KIAA1217: variants seen among roughly 807,000 people sequenced by gnomAD.
KIAA1217 encodes the protein sickle tail protein homolog.
Under a neutral mutation model 163.9 loss-of-function variants are expected in KIAA1217, and 88 were observed. The ratio of observed to expected loss-of-function variants is 0.54; its 90% confidence interval spans 0.45 to 0.64. The LOEUF is 0.64. KIAA1217 is among the 30% of genes least tolerant of loss of function. The probability of loss-of-function intolerance (pLI) is 0.00; values close to 1 mark genes in which losing one functional copy is unlikely to be tolerated. For synonymous variants in KIAA1217, 903 were observed against 923.1 expected (o/e 0.98, Z 0.39); for missense variants, 2,372 against 2,475.0 (o/e 0.96, Z 0.88).
intron 1 of KIAA1217, among the ~76,000 whole-genome samples, chr10:23,960,208 C>T: frequency 6.6e-6 from 1 of 152,128 alleles, no homozygotes; most frequent in East Asian, 1.9e-4. Context: ...AGCCACCACG[C>T]CCGGCCAGAA....
intron 1 of KIAA1217, among the ~76,000 whole-genome samples, chr10:23,961,072 A>G (rs1003076356): frequency 2.0e-5 from 3 of 152,224 alleles, no homozygotes; most frequent in African/African-American, 7.2e-5. Context: ...AATTCCATAA[A>G]ACACTTTAAA....
chr10:24,069,410 T>G (rs1280703518), intron 2 of KIAA1217, among the ~76,000 whole-genome samples: 1 of 152,146 alleles, frequency 6.6e-6, no homozygotes, highest in Non-Finnish European at 1.5e-5. Context: ...CTTTGTTCTC[T>G]GTAGCCCCAG....
chr10:24,207,267 T>TTC (rs143092137), upstream of KIAA1217, among the ~76,000 whole-genome samples: 8,162 of 120,996 alleles, frequency 0.067, 289 homozygotes, highest in Non-Finnish European at 0.09. Context: ...GCTACAGTGT[T>TTC]TCTCTCTCTC....
At chr10:24,463,758 T>A (rs1442372536) in intron 5 of KIAA1217, among the ~76,000 whole-genome samples, 1 of 152,246 alleles carries the variant, frequency 6.6e-6, no homozygotes, top group Non-Finnish European at 1.5e-5. Flanking sequence ...GTTGAGGTAA[T>A]CCTGAATATT....
intron 2 of KIAA1217, among the ~76,000 whole-genome samples, chr10:24,017,274 G>C (rs1474051234): frequency 6.6e-6 from 1 of 151,950 alleles, no homozygotes; most frequent in Admixed American, 6.6e-5. Flanking sequence ...TGCCCAGGCT[G>C]GTCTGGAACT....
At chr10:24,251,005 T>A (rs921645598) in intron 2 of KIAA1217, among the ~76,000 whole-genome samples, 1 of 151,768 alleles carries the variant, frequency 6.6e-6, no homozygotes, top group African/African-American at 2.4e-5. Context: ...GGTGGGTGGA[T>A]CACCTGAGGT....
intron 2 of KIAA1217, among the ~76,000 whole-genome samples, chr10:24,142,278 A>G (rs1026768392): frequency 2.0e-5 from 3 of 152,326 alleles, no homozygotes; most frequent in African/African-American, 7.2e-5. Flanking sequence ...TCGAGTATCA[A>G]TTTAAGTTTA....
chr10:24,234,760 A>C (rs2071983872), intron 2 of KIAA1217, among the ~76,000 whole-genome samples: 1 of 151,960 alleles, frequency 6.6e-6, no homozygotes, highest in South Asian at 2.1e-4. Context: ...TCCGTCCACT[A>C]GCATTTAGTG....
chr10:24,193,686 C>A (rs924006706), intron 2 of KIAA1217, among the ~76,000 whole-genome samples: 3 of 152,114 alleles, frequency 2.0e-5, no homozygotes, highest in Admixed American at 2.0e-4. Context: ...CAGATAACTC[C>A]ATCTGGGTCA....
intron 1 of KIAA1217, among the ~76,000 whole-genome samples, chr10:23,934,567 AT>A (rs1843402938): frequency 1.3e-5 from 1 of 76,332 alleles, no homozygotes; most frequent in Non-Finnish European, 2.2e-5. Context: ...GTATATATAT[AT>A]ATATATATAT....
chr10:24,398,398 T>A (rs552795137), intron 3 of KIAA1217, among the ~76,000 whole-genome samples: 2 of 152,294 alleles, frequency 1.3e-5, no homozygotes, highest in Admixed American at 6.5e-5. Context: ...CTGTTAAGAA[T>A]GGCAAATATC....
At chr10:24,409,014 T>C (rs1343739837) in intron 3 of KIAA1217, among the ~76,000 whole-genome samples, 1 of 152,244 alleles carries the variant, frequency 6.6e-6, no homozygotes, top group Admixed American at 6.5e-5. Context: ...AATAAATATG[T>C]GTTGCATTAG....
intron 1 of KIAA1217, among the ~76,000 whole-genome samples, chr10:23,800,725 A>G (rs1376553634): frequency 6.6e-6 from 1 of 152,168 alleles, no homozygotes; most frequent in East Asian, 1.9e-4. Context: ...TATGAAAAAA[A>G]CCTTATTATC....
intron 2 of KIAA1217, among the ~76,000 whole-genome samples, chr10:24,252,072 T>C (rs1173393675): frequency 2.6e-5 from 4 of 152,062 alleles, no homozygotes; most frequent in Non-Finnish European, 2.9e-5. Context: ...TAAACATTCA[T>C]AGGTTGTTCA....
At chr10:24,087,034 G>A (rs909553070) in intron 2 of KIAA1217, among the ~76,000 whole-genome samples, 2 of 152,162 alleles carry the variant, frequency 1.3e-5, no homozygotes, top group East Asian at 1.9e-4. Context: ...CAGAAGACTC[G>A]TGTGATATTC....
intron 1 of KIAA1217, among the ~76,000 whole-genome samples, chr10:23,919,892 CCTT>C (rs1446577461): frequency 6.6e-6 from 1 of 152,144 alleles, no homozygotes; most frequent in Non-Finnish European, 1.5e-5. Flanking sequence ...TCCTTCCTGA[CCTT>C]CTCCAGGACA....
chr10:23,894,004 C>A (rs909827105), intron 1 of KIAA1217, among the ~76,000 whole-genome samples: 6 of 151,876 alleles, frequency 4.0e-5, no homozygotes, highest in Admixed American at 1.3e-4. Context: ...ATAATAAGAA[C>A]TATCTATGAC....
intron 2 of KIAA1217, among the ~76,000 whole-genome samples, chr10:24,317,447 A>C (rs1357856942): frequency 6.6e-6 from 1 of 152,080 alleles, no homozygotes; most frequent in East Asian, 1.9e-4. Context: ...CAAATATGAC[A>C]CAGGTGAAAG....
At chr10:24,256,016 G>A (rs2075110919) in intron 2 of KIAA1217, among the ~76,000 whole-genome samples, 1 of 140,458 alleles carries the variant, frequency 7.1e-6, no homozygotes, top group Admixed American at 7.6e-5. Flanking sequence ...AGAAAGCCGA[G>A]TGCTGCCGAT....
Sources: allele counts gnomAD v4.1 joint callset (sites outside exome capture counted in the v4.1 genomes callset), GRCh38; gene constraint gnomAD v4.1.1; transcripts MANE v1.5; gene names NCBI Gene and HGNC (gene_info 2026-07-23, HGNC 2026-07-21).